The following REV3L variants were observed in gnomAD, a reference collection of about 807,000 sequenced individuals.
REV3L encodes DNA polymerase zeta catalytic subunit.
Under a neutral mutation model 299.4 loss-of-function variants are expected in REV3L, and 69 were observed. The ratio of observed to expected loss-of-function variants is 0.23; its 90% CI spans 0.19 to 0.28. REV3L has a LOEUF of 0.28. Ranked by LOEUF, REV3L falls within the 10% of genes least tolerant of loss-of-function variation. The probability of loss-of-function intolerance (pLI) is 1.00; values close to 1 mark genes in which losing one functional copy is unlikely to be tolerated. For missense variants in REV3L, 3,128 were observed against 3,693.8 expected (o/e 0.85, Z 3.97); for synonymous variants, 1,238 against 1,271.4 (o/e 0.97, Z 0.56).
At chr6:111,393,601 T>G (rs1782165330) in intron 4 of REV3L, among the ~76,000 whole-genome samples, 1 of 152,228 alleles carries the variant, frequency 6.6e-6, no homozygotes, top group Non-Finnish European at 1.5e-5. Context: ...ACTTATTTCG[T>G]CTAATTGTAT....
chr6:111,400,051 G>A (rs561940838), intron 4 of REV3L, among the ~76,000 whole-genome samples: 2 of 152,280 alleles, frequency 1.3e-5, no homozygotes, highest in South Asian at 2.1e-4. Context: ...CTTTCACTTA[G>A]TAAAATGCTT....
At chr6:111,365,696 T>A (rs1248926894) in intron 14 of REV3L, among the ~76,000 whole-genome samples, 1 of 152,122 alleles carries the variant, frequency 6.6e-6, no homozygotes, top group Non-Finnish European at 1.5e-5. Flanking sequence ...AATCAGACAT[T>A]CATCAAACAT....
chr6:111,421,715 C>T (rs1698588168), intron 1 of REV3L, among the ~76,000 whole-genome samples: 1 of 151,842 alleles, frequency 6.6e-6, no homozygotes, highest in Non-Finnish European at 1.5e-5. Context: ...TTTGCATATC[C>T]CATCTCCCAA....
intron 5 of REV3L, among the ~76,000 whole-genome samples, chr6:111,390,722 T>C (rs1004066116): frequency 6.6e-6 from 1 of 152,128 alleles, no homozygotes; most frequent in Non-Finnish European, 1.5e-5. Flanking sequence ...ACTGATAAAA[T>C]GTATGAATGA....
chr6:111,315,622 A>C, intron 26 of REV3L: 1 of 465,228 alleles, frequency 2.1e-6, no homozygotes, highest in Non-Finnish European at 3.9e-6. Context: ...CAGCTCAGAT[A>C]TCCCAGTAGT....
Position 111,358,868 on chromosome 6 carries a change from G to A in REV3L, c.7026C>T (p.Leu2342=). The change falls in exon 17 of 32, where the codon CTC becomes CTT. Residue 2342 remains leucine (L), a synonymous_variant. Coordinates refer to ENST00000368802, the MANE Select transcript of REV3L (RefSeq NM_001372078.1). ...CTTTATCAATCACTATTACACCTGT[G>A]AGTTCTGTTTTTTCTGTATCTGGCA... ...TPLPDTEKTE[L]TGVIVIDKDK... 1 of 1,614,040 alleles carries A rather than the reference G, an allele frequency of 6.2e-7. No homozygotes were observed. Among genetic ancestry groups the A allele is most frequent in the Non-Finnish European group, 8.5e-7 (1 of 1,179,968 alleles).
intron 31 of REV3L, among the ~76,000 whole-genome samples, chr6:111,306,047 G>C (rs1772249498): frequency 6.6e-6 from 1 of 152,208 alleles, no homozygotes; most frequent in Admixed American, 6.5e-5. Flanking sequence ...AGCCCCATGG[G>C]CTTGGCTATA....
At chr6:111,300,211 C>A in intron 31 of REV3L, 55 bp from the exon 32 acceptor site, 2 of 1,418,210 alleles carry the variant, frequency 1.4e-6, no homozygotes, top group East Asian at 2.4e-5. Context: ...TGCGTGTATG[C>A]AAACAACAAA....
At chr6:111,314,657 A>G (rs1582468825) in intron 27 of REV3L, among the ~76,000 whole-genome samples, 1 of 152,152 alleles carries the variant, frequency 6.6e-6, no homozygotes, top group African/African-American at 2.4e-5. Flanking sequence ...AAGCCATTCC[A>G]GTTGCACCCT....
In REV3L at chr6:111,375,644, A is replaced by G. The variant is rs753362430; in HGVS notation, c.2711T>C (p.Leu904Ser). The G allele has an allele frequency of 3.1e-6, 5 of 1,613,798 alleles. No homozygotes were observed. The Admixed American group carries it at 6.7e-5, about 22-fold the overall frequency. ...FIDCHFGDGT[L>S]ETEQSFGLYG... ...TAGTCCAAAGGACTGCTCAGTTTCT[A>G]ACGTTCCATCTCCAAAGTGACAGTC... Residue 904 changes from leucine to serine, a missense_variant, in exon 13 of 32, where the codon TTA (leucine) becomes TCA (serine). Transcript: ENST00000368802.
At chr6:111,357,271 C>T in intron 17 of REV3L, 146 bp from the exon 18 acceptor site, 1 of 326,846 alleles carries the variant, frequency 3.1e-6, no homozygotes, top group Non-Finnish European at 5.4e-6. Flanking sequence ...CAAGTGAAAA[C>T]ATAACTAACT....
intron 3 of REV3L, 52 bp downstream of exon 3, chr6:111,411,428 T>TA (rs757336340): frequency 2.8e-5 from 33 of 1,182,594 alleles, no homozygotes; most frequent in Non-Finnish European, 3.6e-5. Context: ...TTTTTATTAT[T>TA]AAAATACTTC....
At chr6:111,456,909 T>C (rs1361255515) in intron 1 of REV3L, among the ~76,000 whole-genome samples, 1 of 152,174 alleles carries the variant, frequency 6.6e-6, no homozygotes, top group Non-Finnish European at 1.5e-5. Context: ...TCATCACTTT[T>C]AGTAGTTCAA....
intron 30 of REV3L, chr6:111,309,284 T>G (rs144375838): frequency 3.1e-4 from 47 of 152,324 alleles, no homozygotes; most frequent in African/African-American, 1.1e-3. Context: ...CAACGTTTTA[T>G]TGAGTGGAAG....
At chr6:111,430,185 C>T in intron 1 of REV3L, 1 of 801,736 alleles carries the variant, frequency 1.2e-6, no homozygotes, top group South Asian at 1.3e-5. Flanking sequence ...TGAGAAGCCT[C>T]TCACAAGCAC....
intron 16 of REV3L, 116 bp downstream of exon 16, chr6:111,363,737 A>G (rs1778930934): frequency 1.1e-6 from 1 of 906,970 alleles, no homozygotes. Context: ...ATGAAGATTA[A>G]TAGGATAGAA....
At chr6:111,376,898 C>T in intron 12 of REV3L, 141 bp from the exon 13 acceptor site, 5 of 588,350 alleles carry the variant, frequency 8.5e-6, no homozygotes, top group Non-Finnish European at 1.4e-5. Context: ...AAAGGTAATG[C>T]TTATCATTAA....
In REV3L at chr6:111,367,748, C is replaced by T. The variant is rs1372126547; in HGVS notation, c.6040G>A (p.Glu2014Lys). The change falls in exon 14 of 32, where the codon GAA (glutamate) becomes AAA (lysine). Residue 2014 changes from glutamate (E) to lysine (K), a missense_variant. Transcript: ENST00000368802. ...QLVQVWLQAK[E>K]EYERSKKLPK... ...AGTTTCTTGGAACGTTCGTATTCTTCTTTGGCTTGAAGCCACACTTGAACC... is the reference window on the plus strand; with the variant it reads ...AGTTTCTTGGAACGTTCGTATTCTTTTTTGGCTTGAAGCCACACTTGAACC... The T allele has an allele frequency of 6.2e-7, 1 of 1,614,202 alleles. No individual in the cohort carries two copies. The highest frequency in any genetic ancestry group is 1.1e-5 in the South Asian group (1 of 91,092).
At position 111,374,228 on chromosome 6, in the gene REV3L, G is replaced by A; in HGVS notation, c.4127C>T (p.Ser1376Phe). ...ATCTTCTATCTTTGAGGACATACCA[G>A]AAGATATCTGTGTATTCTGTGCTAC... ...SQVAQNTQIS[S>F]GMSSKIEDNA... Residue 1376 changes from serine (S) to phenylalanine (F), a missense_variant, in exon 13 of 32, where the codon TCT (serine) becomes TTT (phenylalanine). Physicochemically the swap from Ser to Phe is radical, Grantham distance 155. Transcript: ENST00000368802. 3 of 1,613,568 alleles carry A rather than the reference G, an allele frequency of 1.9e-6. No homozygotes were observed. Among genetic ancestry groups the A allele is most frequent in the Admixed American group, 1.7e-5 (1 of 60,020 alleles).
Sources: gnomAD v4.1 joint callset for allele counts (sites outside exome capture counted in the v4.1 genomes callset) on GRCh38, gnomAD v4.1.1 for gene constraint, MANE v1.5 for transcripts, NCBI Gene and HGNC (gene_info 2026-07-23, HGNC 2026-07-21) for gene names.